Variants in MTUS2 observed in about 807,000 individuals in gnomAD.
MTUS2 encodes the protein microtubule associated scaffold protein 2.
In MTUS2, 40 loss-of-function variants were observed where a neutral mutation model predicts 114.1. That is an observed-to-expected ratio of 0.35 (90% CI 0.27 to 0.46). MTUS2 has a LOEUF of 0.46. Among genes scored for constraint, MTUS2 ranks in the 20% least tolerant of loss-of-function variants. The pLI, the probability that MTUS2 is intolerant of heterozygous loss-of-function variation, is 1.00. For missense variants in MTUS2, 1,679 were observed against 1,705.4 expected, an observed-to-expected ratio of 0.98 and a Z score of 0.27; for synonymous variants, 688 against 672.0, an observed-to-expected ratio of 1.02 and a Z score of -0.37.
intron 9 of MTUS2, among the ~76,000 whole-genome samples, chr13:29,446,292 A>G (rs58848825): frequency 0.12 from 17,972 of 152,208 alleles, 1,780 homozygotes; most frequent in African/African-American, 0.28. Flanking sequence ...GAGCAGGCAG[A>G]GAAGTCATAG....
At chr13:29,136,591 A>G (rs931753307) in intron 5 of MTUS2, among the ~76,000 whole-genome samples, 1 of 152,166 alleles carries the variant, frequency 6.6e-6, no homozygotes, top group African/African-American at 2.4e-5. Flanking sequence ...AATCTCCATA[A>G]AAGTCCAAAA....
intron 8 of MTUS2, among the ~76,000 whole-genome samples, chr13:29,360,644 C>T (rs1161098770): frequency 2.0e-5 from 3 of 150,106 alleles, no homozygotes; most frequent in Non-Finnish European, 3.0e-5. Context: ...GGTCTAGTCA[C>T]GATGCATGAC....
intron 5 of MTUS2, among the ~76,000 whole-genome samples, chr13:29,194,879 A>ATGTGGCACATATACAC (rs1381035455): frequency 1.3e-5 from 2 of 150,706 alleles, no homozygotes; most frequent in Non-Finnish European, 3.0e-5. Flanking sequence ...GATTAAGAAA[A>ATGTGGCACATATACAC]TGTGGCACAT....
intron 10 of MTUS2, 153 bp from the exon 11 acceptor site, chr13:29,487,747 C>T (rs777596275): frequency 6.0e-6 from 4 of 661,944 alleles, no homozygotes; most frequent in Admixed American, 2.3e-5. Context: ...CCGAGGGCTG[C>T]CACATCACCA....
At chr13:29,442,945 G>T (rs1037633274) in intron 9 of MTUS2, among the ~76,000 whole-genome samples, 1 of 152,182 alleles carries the variant, frequency 6.6e-6, no homozygotes, top group African/African-American at 2.4e-5. Context: ...TCTTAGTTAA[G>T]ATAGAAAAGC....
At position 29,026,196 on chromosome 13, in the gene MTUS2, A is replaced by G. The variant is rs749242802; in HGVS notation, c.1498A>G (p.Lys500Glu). Reference sequence around the variant, plus strand: ...TGGCCGCTCAGAAGCACGGGAAAGCAAAGAGGTCACCACATCTGTTGCTGA... The same window carrying G: ...TGGCCGCTCAGAAGCACGGGAAAGCGAAGAGGTCACCACATCTGTTGCTGA... ...QSGRSEARES[K>E]EVTTSVAENR... The change falls in exon 3 of 16, where the codon AAA (lysine) becomes GAA (glutamate). Residue 500 changes from lysine (K) to glutamate (E), a missense_variant. Around this residue, in one of 3 missense-constraint regions of MTUS2, gnomAD observed 843 missense variants for 770.8 expected, o/e 1.09. Coordinates refer to ENST00000612955, the MANE Select transcript of MTUS2 (RefSeq NM_001033602.4). The G allele has an allele frequency of 1.2e-6, 2 of 1,613,978 alleles. No individual in the cohort carries two copies. Among genetic ancestry groups the G allele is most frequent in the Non-Finnish European group, 1.7e-6 (2 of 1,179,878 alleles).
intron 8 of MTUS2, among the ~76,000 whole-genome samples, chr13:29,360,712 A>C (rs1171328177): frequency 3.3e-5 from 4 of 122,620 alleles, no homozygotes; most frequent in Admixed American, 1.0e-4. Context: ...GTAAGAATTA[A>C]AGTTACAAAC....
At chr13:28,973,260 C>T (rs1041145731) in intron 2 of MTUS2, among the ~76,000 whole-genome samples, 1 of 152,106 alleles carries the variant, frequency 6.6e-6, no homozygotes, top group Non-Finnish European at 1.5e-5. Context: ...AGTAATGAAA[C>T]AACACTTCTG....
At chr13:29,003,859 T>G (rs3899582) in intron 2 of MTUS2, among the ~76,000 whole-genome samples, 2,699 of 152,290 alleles carry the variant, frequency 0.018, 83 homozygotes, top group African/African-American at 0.061. Context: ...TGCCACTCTT[T>G]GTTGCAGCTG....
intron 8 of MTUS2, among the ~76,000 whole-genome samples, chr13:29,385,260 G>T (rs1872556217): frequency 6.6e-6 from 1 of 152,186 alleles, no homozygotes; most frequent in African/African-American, 2.4e-5. Context: ...TGATTTCATT[G>T]TCCCTGTGGT....
intron 4 of MTUS2, among the ~76,000 whole-genome samples, chr13:29,076,426 G>C (rs1050517278): frequency 2.6e-5 from 4 of 152,234 alleles, no homozygotes; most frequent in African/African-American, 9.6e-5. Flanking sequence ...CTGTGGGTCA[G>C]AAATTTGAGA....
intron 2 of MTUS2, among the ~76,000 whole-genome samples, chr13:28,994,420 A>G (rs1254079835): frequency 2.0e-5 from 3 of 152,200 alleles, no homozygotes; most frequent in Non-Finnish European, 2.9e-5. Flanking sequence ...TATACCCAGT[A>G]ATGGGATGGC....
intron 5 of MTUS2, among the ~76,000 whole-genome samples, chr13:29,230,151 C>T (rs1210104304): frequency 6.6e-6 from 1 of 152,138 alleles, no homozygotes; most frequent in Non-Finnish European, 1.5e-5. Flanking sequence ...GAGGCTGAGG[C>T]AGGAGAATGG....
chr13:29,059,336 C>A (rs556645345), intron 4 of MTUS2, among the ~76,000 whole-genome samples: 21 of 147,850 alleles, frequency 1.4e-4, no homozygotes, highest in African/African-American at 5.0e-4. Context: ...TTTGCTCCTA[C>A]GTCTTGCAGG....
At chr13:29,207,407 C>T (rs1895235956) in intron 5 of MTUS2, among the ~76,000 whole-genome samples, 1 of 152,026 alleles carries the variant, frequency 6.6e-6, no homozygotes, top group Non-Finnish European at 1.5e-5. Context: ...GATTTGGATG[C>T]CCTTTATTTC....
intron 8 of MTUS2, among the ~76,000 whole-genome samples, chr13:29,362,161 T>C (rs1175470086): frequency 6.6e-6 from 1 of 152,226 alleles, no homozygotes. Flanking sequence ...TGTGCAAAGA[T>C]GCTTTATAGA....
chr13:29,178,709 G>T (rs1003278806), intron 5 of MTUS2, among the ~76,000 whole-genome samples: 4 of 151,962 alleles, frequency 2.6e-5, no homozygotes, highest in Admixed American at 6.6e-5. Context: ...TTTCTCAATA[G>T]AAATGTATTT....
intron 2 of MTUS2, among the ~76,000 whole-genome samples, chr13:28,874,988 T>C (rs1027915872): frequency 2.0e-5 from 3 of 152,252 alleles, no homozygotes; most frequent in African/African-American, 4.8e-5. Context: ...TCATGTATAC[T>C]GATGGAGGTA....
intron 7 of MTUS2, among the ~76,000 whole-genome samples, chr13:29,336,003 G>A (rs774597253): frequency 1.3e-5 from 2 of 152,060 alleles, no homozygotes; most frequent in Non-Finnish European, 2.9e-5. Context: ...TGTGTTTCAT[G>A]AAGTTCTTGT....
Sources: gnomAD v4.1 joint callset for allele counts (sites outside exome capture counted in the v4.1 genomes callset) on GRCh38, gnomAD v4.1.1 for gene constraint, gnomAD v4.1.1 regional missense constraint, MANE v1.5 for transcripts, NCBI Gene and HGNC (gene_info 2026-07-23, HGNC 2026-07-21) for gene names.